The following SPSB1 variants were observed in gnomAD, a reference collection of about 807,000 sequenced individuals.
The protein encoded by SPSB1 is SPRY domain-containing SOCS box protein 1.
A neutral mutation model predicts 21.2 loss-of-function variants in SPSB1; 8 were observed. The ratio of observed to expected loss-of-function variants is 0.38; its 90% confidence interval spans 0.22 to 0.68. The LOEUF (loss-of-function observed/expected upper bound fraction) is 0.68, where lower values mean the gene tolerates loss of function less well. SPSB1 is among the 30% of genes least tolerant of loss of function. The pLI is 0.53. For missense variants in SPSB1, 242 were observed against 377.8 expected, an observed-to-expected ratio of 0.64 and a Z score of 2.98; for synonymous variants, 169 against 161.7, an observed-to-expected ratio of 1.05 and a Z score of -0.34.
intron 1 of SPSB1, among the ~76,000 whole-genome samples, chr1:9,329,440 G>C (rs867212887): frequency 4.6e-5 from 7 of 152,106 alleles, no homozygotes; most frequent in African/African-American, 7.2e-5. Context: ...CCGAGGAAGG[G>C]AGTAGGGAAG....
At chr1:9,312,794 C>T (rs1420377502) in intron 1 of SPSB1, among the ~76,000 whole-genome samples, 4 of 152,020 alleles carry the variant, frequency 2.6e-5, no homozygotes, top group Admixed American at 6.6e-5. Flanking sequence ...TTGCAAGTGG[C>T]GCAGTTTTGG....
intron 2 of SPSB1, among the ~76,000 whole-genome samples, chr1:9,360,434 G>A (rs964701668): frequency 2.0e-5 from 3 of 152,154 alleles, no homozygotes; most frequent in Non-Finnish European, 2.9e-5. Flanking sequence ...CAGGGTATTC[G>A]TCTCCTGGAG....
At chr1:9,303,781 C>T (rs1329884133) in intron 1 of SPSB1, among the ~76,000 whole-genome samples, 3 of 152,174 alleles carry the variant, frequency 2.0e-5, no homozygotes, top group Non-Finnish European at 2.9e-5. Context: ...CAGTGGGTGC[C>T]TCTGGGTGCC....
intron 1 of SPSB1, among the ~76,000 whole-genome samples, chr1:9,344,072 G>A (rs187060010): frequency 2.2e-4 from 34 of 152,338 alleles, no homozygotes; most frequent in African/African-American, 7.5e-4. Context: ...ACAGGCGTGA[G>A]CCACCGCACC....
intron 1 of SPSB1, among the ~76,000 whole-genome samples, chr1:9,340,865 G>A (rs753604433): frequency 6.6e-5 from 10 of 152,224 alleles, no homozygotes; most frequent in Non-Finnish European, 1.5e-4. Context: ...CACATGAAAC[G>A]CACATTTGTA....
At chr1:9,301,004 C>T (rs1056484207) in intron 1 of SPSB1, among the ~76,000 whole-genome samples, 3 of 152,234 alleles carry the variant, frequency 2.0e-5, no homozygotes, top group Non-Finnish European at 4.4e-5. Context: ...TGGGACACCT[C>T]TGAAGGATGG....
In SPSB1 at chr1:9,355,860, G is replaced by T; in HGVS notation, c.-32G>T. 2 of 1,521,688 alleles carry T rather than the reference G, an allele frequency of 1.3e-6. No homozygotes were observed. The highest frequency in any genetic ancestry group is 2.6e-5 in the South Asian group (2 of 76,532). 94.3% of individuals were successfully genotyped at this position (1,521,688 alleles called of 1,614,324 possible). A position where few individuals can be genotyped will look rare whatever the true frequency, so the allele number is the denominator to read the frequency against. On this transcript the variant is annotated 5_prime_UTR_variant, in exon 2 of 3. It introduces an in-frame stop codon into an upstream open reading frame of the 5' UTR. Transcript: ENST00000328089. The stretch of plus-strand genomic sequence containing the variant: ...CACGAGATTGATGAGTTTGCCTTGG[G>T]AGTCGGTAAGAAGGTGAAGCCAGGG...
rs1157280811 is a variant in SPSB1 at position 9,293,592 on chromosome 1, G to C, written c.-150+521G>C. 1.3e-5 allele frequency among the ~76,000 whole-genome samples: 2 copies of C among 152,050 alleles called. No individual in the cohort carries two copies. Among genetic ancestry groups the C allele is most frequent in the South Asian group, 2.1e-4 (1 of 4,832 alleles). On this transcript the variant is annotated intron_variant, in intron 1 of 2. Coordinates refer to ENST00000328089, the MANE Select transcript of SPSB1 (RefSeq NM_025106.4). The surrounding 1 kb of genome is among the most constrained non-coding windows in gnomAD (Gnocchi z 5.1). ...CAGCGCCTCCCCCAGGGAGCCTGCC[G>C]GGGACACCCGAGCGCCGCCCTCCCC... is the stretch of plus-strand genomic sequence containing the variant.
chr1:9,339,354 G>A (rs1640054155), intron 1 of SPSB1: 2 of 955,084 alleles, frequency 2.1e-6, no homozygotes, highest in African/African-American at 3.5e-5. Context: ...CTAGGACTTA[G>A]GGCTGTGACT....
intron 1 of SPSB1, among the ~76,000 whole-genome samples, chr1:9,302,006 G>A (rs1034802158): frequency 1.3e-5 from 2 of 152,308 alleles, no homozygotes; most frequent in African/African-American, 2.4e-5. Flanking sequence ...CCACTGTCAC[G>A]CTGTCCGTGT....
In SPSB1 at chr1:9,346,337, A is replaced by G. The variant is rs1386833816; in HGVS notation, c.-149-9406A>G. ...TACTGTTCTGGGGTCAGTCGGACAC[A>G]CTGTGGAGGAACTGGGTGTAAGGAG... On this transcript the variant is annotated intron_variant, in intron 1 of 2. Transcript: ENST00000328089. The surrounding 1 kb of genome is among the most constrained non-coding windows in gnomAD (Gnocchi z 4.4). 1.3e-5 allele frequency among the ~76,000 whole-genome samples: 2 copies of G among 152,168 alleles called. No individual in the cohort carries two copies. The highest frequency in any genetic ancestry group is 4.8e-5 in the African/African-American group (2 of 41,444).
chr1:9,318,288 C>T (rs931016013), intron 1 of SPSB1, among the ~76,000 whole-genome samples: 2 of 152,256 alleles, frequency 1.3e-5, no homozygotes, highest in African/African-American at 2.4e-5. Flanking sequence ...TCTCTGCCCA[C>T]CCACGCCTCC....
At chr1:9,327,435 A>G (rs1639834882) in intron 1 of SPSB1, among the ~76,000 whole-genome samples, 1 of 152,110 alleles carries the variant, frequency 6.6e-6, no homozygotes. Flanking sequence ...TCTGGGGTGT[A>G]AAGGGAAGGG....
chr1:9,359,344 C>T (rs963032088), intron 2 of SPSB1, among the ~76,000 whole-genome samples: 1 of 152,182 alleles, frequency 6.6e-6, no homozygotes, highest in Non-Finnish European at 1.5e-5. Context: ...GTTAGCGCTG[C>T]CAGCCTCAAC....
At position 9,321,803 on chromosome 1, in the gene SPSB1, C is replaced by T. The variant is rs927253614; in HGVS notation, c.-150+28732C>T. Among the ~76,000 whole-genome samples, 4 of 152,122 alleles carry T rather than the reference C, an allele frequency of 2.6e-5. No homozygotes were observed. Among genetic ancestry groups the T allele is most frequent in the African/African-American group, 9.7e-5 (4 of 41,402 alleles). On this transcript the variant is annotated intron_variant, in intron 1 of 2. Coordinates refer to ENST00000328089, the MANE Select transcript of SPSB1 (RefSeq NM_025106.4). This position sits in a 1 kb window ranked among gnomAD's most constrained non-coding sequence, Gnocchi z 4.8. ...GAGAGGCTGGGAGACTGGCCAGGGGCACCGCAGAGACCACGGGAGAGGCTC... is the reference window on the plus strand; with the variant it reads ...GAGAGGCTGGGAGACTGGCCAGGGGTACCGCAGAGACCACGGGAGAGGCTC...
intron 1 of SPSB1, among the ~76,000 whole-genome samples, chr1:9,315,049 T>C (rs1639587230): frequency 6.6e-6 from 1 of 152,268 alleles, no homozygotes; most frequent in African/African-American, 2.4e-5. Context: ...TTGTTTATTT[T>C]TAAAGACACA....
At chr1:9,301,857 A>T (rs574038889) in intron 1 of SPSB1, among the ~76,000 whole-genome samples, 1 of 152,368 alleles carries the variant, frequency 6.6e-6, no homozygotes, top group Admixed American at 6.5e-5. Context: ...GGTGGAAGGC[A>T]CATTGGACCA....
Position 9,324,059 on chromosome 1 carries a change from G to T in SPSB1, c.-150+30988G>T, listed in dbSNP as rs1639771451. Among the ~76,000 whole-genome samples, 1 of 152,182 alleles carries T rather than the reference G, an allele frequency of 6.6e-6. No homozygotes were observed. Among genetic ancestry groups the T allele is most frequent in the African/African-American group, 2.4e-5 (1 of 41,446 alleles). On this transcript the variant is annotated intron_variant, in intron 1 of 2. Transcript: ENST00000328089. The surrounding 1 kb of genome is among the most constrained non-coding windows in gnomAD (Gnocchi z 4.3). ...GCAGAACCCCTCCTCAGGCCAGCCT[G>T]GTTGCTCTGAGCCTGGTTGCTCTGT...
At chr1:9,333,787 G>A (rs1022041951) in intron 1 of SPSB1, among the ~76,000 whole-genome samples, 3 of 152,112 alleles carry the variant, frequency 2.0e-5, no homozygotes, top group Admixed American at 6.5e-5. Flanking sequence ...AGGAGCCCAC[G>A]GGCCAAATCA....
Sources: allele counts gnomAD v4.1 joint callset (sites outside exome capture counted in the v4.1 genomes callset), GRCh38; gene constraint gnomAD v4.1.1; non-coding constraint Gnocchi (gnomAD v3.1); transcripts MANE v1.5; gene names NCBI Gene and HGNC (gene_info 2026-07-23, HGNC 2026-07-21).